Variants in GALNT13 observed in about 807,000 individuals in gnomAD.
The protein encoded by GALNT13 is UDP-GalNAc:polypeptide N-acetylgalactosaminyltransferase 13.
In GALNT13, 28 loss-of-function variants were observed where a neutral mutation model predicts 64.2. The observed-to-expected ratio is 0.44, with a 90% CI of 0.32 to 0.60. The LOEUF (loss-of-function observed/expected upper bound fraction) is 0.60, where lower values mean the gene tolerates loss of function less well. Among genes scored for constraint, GALNT13 ranks in the 20% least tolerant of loss-of-function variants. GALNT13 has a pLI of 0.05. For missense variants in GALNT13, 577 were observed against 669.8 expected, an observed-to-expected ratio of 0.86 and a Z score of 1.53; for synonymous variants, 214 against 224.6, an observed-to-expected ratio of 0.95 and a Z score of 0.42.
chr2:153,825,907 T>C, the GALNT13 span, among the ~76,000 whole-genome samples: 22 of 152,090 alleles, frequency 1.4e-4, no homozygotes, highest in Non-Finnish European at 1.5e-5. Context: ...CTGTCACTTA[T>C]AGCAGATACT....
the GALNT13 span, among the ~76,000 whole-genome samples, chr2:153,533,717 G>GTTTTTTTT: frequency 4.2e-5 from 1 of 24,062 alleles, no homozygotes; most frequent in Non-Finnish European, 7.9e-5. Context: ...ATATCCTGAG[G>GTTTTTTTT]TTTTTCTTTT....
the GALNT13 span, among the ~76,000 whole-genome samples, chr2:153,864,344 A>G: frequency 1.3e-5 from 2 of 152,224 alleles, no homozygotes; most frequent in Admixed American, 1.3e-4. Flanking sequence ...AGGAAAGATC[A>G]AAAACAGAAA....
At chr2:153,523,659 C>G in the GALNT13 span, among the ~76,000 whole-genome samples, 1 of 152,142 alleles carries the variant, frequency 6.6e-6, no homozygotes, top group Admixed American at 6.5e-5. Context: ...TGTATATTAA[C>G]CTTGTATCTG....
At chr2:153,714,743 G>T in the GALNT13 span, among the ~76,000 whole-genome samples, 1 of 152,238 alleles carries the variant, frequency 6.6e-6, no homozygotes. Flanking sequence ...CTAAATCATA[G>T]GTCTATACCC....
At chr2:153,797,164 C>G in the GALNT13 span, among the ~76,000 whole-genome samples, 1 of 152,168 alleles carries the variant, frequency 6.6e-6, no homozygotes, top group African/African-American at 2.4e-5. Flanking sequence ...AAGTAAATAA[C>G]AGAGAGCCTA....
chr2:153,186,758 G>A, the GALNT13 span, among the ~76,000 whole-genome samples: 1 of 152,082 alleles, frequency 6.6e-6, no homozygotes, highest in Non-Finnish European at 1.5e-5. Flanking sequence ...GTAGAGACAA[G>A]GTTTTGCCAT....
the GALNT13 span, among the ~76,000 whole-genome samples, chr2:153,432,990 G>C: frequency 7.3e-5 from 11 of 151,672 alleles, no homozygotes; most frequent in Non-Finnish European, 1.6e-4. Flanking sequence ...ACGCACTCAT[G>C]CACGTGCACA....
intron 4 of GALNT13, among the ~76,000 whole-genome samples, chr2:154,232,753 T>G (rs1036555389): frequency 6.6e-6 from 1 of 151,534 alleles, no homozygotes; most frequent in Non-Finnish European, 1.5e-5. Flanking sequence ...TATAATTAGG[T>G]TGGGTGCAGT....
intron 3 of GALNT13, among the ~76,000 whole-genome samples, chr2:154,128,007 A>G (rs1193196754): frequency 6.6e-6 from 1 of 151,964 alleles, no homozygotes; most frequent in Non-Finnish European, 1.5e-5. Flanking sequence ...AATCTTTTCT[A>G]CAAAAGTAAG....
rs140716408 is a variant in GALNT13 at position 154,014,924 on chromosome 2, G to A, written c.142+70285G>A. Among the ~76,000 whole-genome samples, 568 of 152,090 alleles carry A rather than the reference G, an allele frequency of 3.7e-3. 3 individuals are homozygous for A. Among genetic ancestry groups the A allele is most frequent in the African/African-American group, 0.013 (542 of 41,506 alleles). On this transcript the variant is annotated intron_variant, in intron 3 of 12. Transcript: ENST00000392825. ...GGGATTTATAGGCGTGAGCCACCGCGCCCAGCCTCTGATAATTCTCTTTAT... is the reference window on the plus strand; with the variant it reads ...GGGATTTATAGGCGTGAGCCACCGCACCCAGCCTCTGATAATTCTCTTTAT...
chr2:153,470,144 T>C, the GALNT13 span, among the ~76,000 whole-genome samples: 1 of 152,198 alleles, frequency 6.6e-6, no homozygotes, highest in Non-Finnish European at 1.5e-5. Flanking sequence ...TGTGGAACCG[T>C]AGGAAATAAC....
chr2:153,458,346 A>G, the GALNT13 span, among the ~76,000 whole-genome samples: 1 of 151,968 alleles, frequency 6.6e-6, no homozygotes, highest in Non-Finnish European at 1.5e-5. Context: ...ATACCACAAA[A>G]CCCATTTCTC....
chr2:153,165,576 G>C, the GALNT13 span, among the ~76,000 whole-genome samples: 2 of 152,078 alleles, frequency 1.3e-5, no homozygotes, highest in Non-Finnish European at 1.5e-5. Context: ...TATATTCTCT[G>C]GCAATGCCTT....
intron 1 of GALNT13, among the ~76,000 whole-genome samples, chr2:153,883,673 G>A (rs1686938435): frequency 2.0e-5 from 3 of 151,954 alleles, no homozygotes; most frequent in African/African-American, 7.3e-5. Flanking sequence ...GGTTTGGTTG[G>A]TGGGAGGATT....
intron 3 of GALNT13, among the ~76,000 whole-genome samples, chr2:154,137,302 A>C (rs995332627): frequency 1.2e-4 from 18 of 148,886 alleles, no homozygotes; most frequent in Non-Finnish European, 1.9e-4. Context: ...ACACAGGCAA[A>C]ACACACACAC....
At chr2:153,471,060 A>G in the GALNT13 span, among the ~76,000 whole-genome samples, 1 of 152,152 alleles carries the variant, frequency 6.6e-6, no homozygotes, top group Non-Finnish European at 1.5e-5. Context: ...ACATGGGGAA[A>G]AGTCAAATTA....
Position 153,917,198 on chromosome 2 carries a change from A to G in GALNT13, c.-105+16191A>G, listed in dbSNP as rs569365669. Reference sequence around the variant, plus strand: ...CTTGTCTCTGTTTGTGTCTGTGTGTATGTATTTATTCATATTGCCATCATC... The same window carrying G: ...CTTGTCTCTGTTTGTGTCTGTGTGTGTGTATTTATTCATATTGCCATCATC... On this transcript the variant is annotated intron_variant, in intron 2 of 12. Coordinates refer to ENST00000392825, the MANE Select transcript of GALNT13 (RefSeq NM_052917.4). Among the ~76,000 whole-genome samples, 20 of 151,920 alleles carry G rather than the reference A, an allele frequency of 1.3e-4. No homozygotes were observed. In the South Asian group the frequency reaches 3.9e-3, roughly 30 times the overall value.
At chr2:153,656,235 C>T in the GALNT13 span, among the ~76,000 whole-genome samples, 3 of 151,934 alleles carry the variant, frequency 2.0e-5, no homozygotes, top group Admixed American at 1.3e-4. Context: ...AGACAATGAG[C>T]ACACATTTCA....
Position 154,245,966 on chromosome 2 carries a change from A to G in GALNT13, c.841A>G (p.Arg281Gly), listed in dbSNP as rs1322705252. ...QREMDRRKGD[R>G]TLPVRTPTMA... is the part of the protein sequence containing the mutation. ...AGAAATGGACAGGAGGAAAGGAGAC[A>G]GAACATTACCTGTCAGGTATGTAGA... Residue 281 changes from arginine to glycine, a missense_variant, in exon 7 of 13, where the codon AGA (arginine) becomes GGA (glycine). Around this residue, in one of 3 missense-constraint regions of GALNT13, gnomAD observed 341 missense variants for 379.3 expected, o/e 0.90. Transcript: ENST00000392825. 3.1e-6 allele frequency: 5 copies of G among 1,612,800 alleles called. No homozygotes were observed. In the South Asian group the frequency reaches 5.5e-5, roughly 18 times the overall value.
Sources: allele counts gnomAD v4.1 joint callset (sites outside exome capture counted in the v4.1 genomes callset), GRCh38; gene constraint gnomAD v4.1.1; regional missense constraint gnomAD v4.1.1; transcripts MANE v1.5; gene names NCBI Gene and HGNC (gene_info 2026-07-23, HGNC 2026-07-21).